Variants in SFXN4 observed in about 807,000 individuals in gnomAD.
SFXN4 encodes the protein sideroflexin 4.
SFXN4 carries 48 observed loss-of-function variants against 54.6 expected under a neutral mutation model. That is an observed-to-expected ratio of 0.88 (90% confidence interval 0.70 to 1.12). The LOEUF is 1.12. Among genes scored for constraint, SFXN4 ranks in the 50% most tolerant of loss-of-function variants. SFXN4 has a pLI of 0.00. For missense variants in SFXN4, 383 were observed against 409.2 expected (o/e 0.94, Z 0.55); for synonymous variants, 130 against 145.5 (o/e 0.89, Z 0.77).
chr10:119,153,959 C>T (rs1214606031), intron 11 of SFXN4, among the ~76,000 whole-genome samples: 1 of 152,112 alleles, frequency 6.6e-6, no homozygotes, highest in Non-Finnish European at 1.5e-5. Context: ...GGGCGGAACA[C>T]CTGAGGTCAG....
chr10:119,147,951 G>A (rs898723086), intron 11 of SFXN4, 91 bp from the exon 12 acceptor site: 24 of 948,490 alleles, frequency 2.5e-5, no homozygotes, highest in African/African-American at 4.9e-5. Context: ...CGGGTAGATC[G>A]CTTGAGGTCA....
chr10:119,142,077 T>C (rs1317715491), intron 13 of SFXN4, among the ~76,000 whole-genome samples: 1 of 152,156 alleles, frequency 6.6e-6, no homozygotes, highest in Non-Finnish European at 1.5e-5. Context: ...AGTACGTTCC[T>C]GTAGTCCCAG....
rs34251123 is a variant in SFXN4 at position 119,155,116 on chromosome 10, C to A, written c.678G>T (p.Ala226=). 4 of 1,614,176 alleles carry A rather than the reference C, an allele frequency of 2.5e-6. No homozygotes were observed. The South Asian group carries it at 4.4e-5, about 18-fold the overall frequency. The stretch of plus-strand genomic sequence containing the variant: ...GGACATTGCCTTCCTTGTCCATGAC[C>A]GCAATCCCCTTAATGGATTCAAGAC... ...SRSLESIKGI[A]VMDKEGNVLG... The change falls in exon 11 of 14, where the codon GCG becomes GCT. Residue 226 remains alanine, a synonymous_variant. Coordinates refer to ENST00000355697, the MANE Select transcript of SFXN4 (RefSeq NM_213649.2).
intron 1 of SFXN4, 144 bp from the exon 2 acceptor site, chr10:119,164,340 C>T: frequency 1.8e-6 from 1 of 566,476 alleles, no homozygotes; most frequent in Non-Finnish European, 3.1e-6. Context: ...TCCTGGGATC[C>T]TCCCAACCTC....
At chr10:119,160,760 A>C (rs1477225958) in intron 5 of SFXN4, among the ~76,000 whole-genome samples, 155 bp downstream of exon 5, 1 of 151,806 alleles carries the variant, frequency 6.6e-6, no homozygotes, top group Non-Finnish European at 1.5e-5. Flanking sequence ...CACAATGCCC[A>C]ACTAATTTTT....
chr10:119,157,463 A>T (rs1847319436), intron 9 of SFXN4, among the ~76,000 whole-genome samples: 1 of 152,024 alleles, frequency 6.6e-6, no homozygotes, highest in Non-Finnish European at 1.5e-5. Flanking sequence ...AGAAAAAAAT[A>T]AAAAGACAAC....
chr10:119,153,434 A>C (rs537863814), intron 11 of SFXN4, among the ~76,000 whole-genome samples: 1 of 152,100 alleles, frequency 6.6e-6, no homozygotes, highest in South Asian at 2.1e-4. Context: ...AAGAAAAAGA[A>C]AGAAGAAGAA....
intron 9 of SFXN4, 148 bp from the exon 10 acceptor site, chr10:119,156,904 C>T (rs1478349253): frequency 3.8e-5 from 23 of 607,214 alleles, no homozygotes; most frequent in Admixed American, 8.5e-5. Context: ...ATTCCTGCAA[C>T]GTGGAGGTCC....
intron 13 of SFXN4, 93 bp from the exon 14 acceptor site, chr10:119,141,412 TCA>T (rs1169393474): frequency 4.3e-6 from 3 of 695,386 alleles, no homozygotes; most frequent in Non-Finnish European, 7.2e-6. Flanking sequence ...AGCAACCATT[TCA>T]CAGTCCATCT....
At position 119,157,928 on chromosome 10, in the gene SFXN4, C is replaced by A. The variant is rs746226746; in HGVS notation, c.415-1G>T. 6.2e-7 allele frequency: 1 copy of A among 1,614,212 alleles called. No homozygotes were observed. The highest frequency in any genetic ancestry group is 8.5e-7 in the Non-Finnish European group (1 of 1,180,032). Reference sequence around the variant, plus strand: ...CTGCCATGTAGGCACAGAGGAAAACCTGCCGAGAGGGGCAAATGGATCGCA... The same window carrying A: ...CTGCCATGTAGGCACAGAGGAAAACATGCCGAGAGGGGCAAATGGATCGCA... On this transcript the variant is annotated splice_acceptor_variant, in intron 7 of 13. Transcript: ENST00000355697. LOFTEE classifies it high-confidence loss of function.
At chr10:119,149,047 C>T (rs1444038531) in intron 11 of SFXN4, among the ~76,000 whole-genome samples, 9 of 152,072 alleles carry the variant, frequency 5.9e-5, no homozygotes, top group African/African-American at 1.7e-4. Flanking sequence ...CTACCAGGCC[C>T]GGCTAACTTT....
chr10:119,156,197 C>A (rs1176242599), intron 10 of SFXN4, among the ~76,000 whole-genome samples: 3 of 152,096 alleles, frequency 2.0e-5, no homozygotes, highest in Admixed American at 2.0e-4. Flanking sequence ...CTGAGGCAGG[C>A]GAATCACTTG....
intron 9 of SFXN4, 98 bp from the exon 10 acceptor site, chr10:119,156,854 C>T (rs942016883): frequency 1.3e-6 from 1 of 793,376 alleles, no homozygotes. Context: ...GTTCCTATTA[C>T]AAGTCAGACC....
At chr10:119,159,562 A>G (rs1402665611) in intron 6 of SFXN4, among the ~76,000 whole-genome samples, 166 bp downstream of exon 6, 1 of 152,092 alleles carries the variant, frequency 6.6e-6, no homozygotes, top group Non-Finnish European at 1.5e-5. Context: ...AGTGGGGACA[A>G]GGACGTATGA....
intron 11 of SFXN4, among the ~76,000 whole-genome samples, chr10:119,153,115 C>G (rs564322118): frequency 1.3e-5 from 2 of 152,226 alleles, no homozygotes; most frequent in South Asian, 4.2e-4. Context: ...TTGAACTGAA[C>G]AAAAGAATAC....
intron 11 of SFXN4, among the ~76,000 whole-genome samples, chr10:119,149,101 G>A (rs1038918365): frequency 5.3e-5 from 8 of 152,072 alleles, no homozygotes; most frequent in African/African-American, 1.7e-4. Context: ...TGCCCAAGCT[G>A]GTCCCGACTT....
intron 13 of SFXN4, among the ~76,000 whole-genome samples, chr10:119,144,186 G>C (rs1281245677): frequency 2.0e-5 from 3 of 152,180 alleles, no homozygotes; most frequent in Non-Finnish European, 4.4e-5. Flanking sequence ...GCCGGGCGTG[G>C]TGGCTCACGC....
At chr10:119,159,638 C>CAT in intron 6 of SFXN4, 90 bp downstream of exon 6, 2 of 1,384,774 alleles carry the variant, frequency 1.4e-6, no homozygotes, top group Non-Finnish European at 2.1e-6. Flanking sequence ...GACAGGGGTC[C>CAT]GGAGCTGGAG....
chr10:119,144,122 T>C (rs1846679054), intron 13 of SFXN4, among the ~76,000 whole-genome samples: 1 of 152,166 alleles, frequency 6.6e-6, no homozygotes, highest in Non-Finnish European at 1.5e-5. Context: ...CATATATATT[T>C]ATAGTGACAG....
Sources: gnomAD v4.1 joint callset for allele counts (sites outside exome capture counted in the v4.1 genomes callset) on GRCh38, gnomAD v4.1.1 for gene constraint, MANE v1.5 for transcripts, NCBI Gene and HGNC (gene_info 2026-07-23, HGNC 2026-07-21) for gene names.